UBXN2A: variants seen among roughly 807,000 people sequenced by gnomAD.
The protein encoded by UBXN2A is UBX domain protein 2A, also known as UBX domain-containing protein 2A.
A neutral mutation model predicts 28.4 loss-of-function variants in UBXN2A; 28 were observed. The ratio of observed to expected loss-of-function variants is 0.99; its 90% CI spans 0.73 to 1.35. The LOEUF is 1.35. Among genes scored for constraint, UBXN2A ranks in the 40% most tolerant of loss-of-function variants. The pLI is 0.00. For synonymous variants in UBXN2A, 97 were observed against 103.6 expected (o/e 0.94, Z 0.39); for missense variants, 253 against 297.9 (o/e 0.85, Z 1.11).
upstream of UBXN2A, among the ~76,000 whole-genome samples, chr2:23,936,058 ATAAAT>A (rs904645639): frequency 2.0e-4 from 30 of 152,254 alleles, no homozygotes; most frequent in Admixed American, 1.1e-3. Flanking sequence ...TCAAAAATAA[ATAAAT>A]TAAATTAATA....
chr2:23,938,543 G>C (rs1397236326), upstream of UBXN2A, among the ~76,000 whole-genome samples: 2 of 144,868 alleles, frequency 1.4e-5, no homozygotes, highest in East Asian at 3.9e-4. Flanking sequence ...AATCCCAGTG[G>C]CCCCCCCCTC....
chr2:23,945,998 G>A (rs1360953643), intron 1 of UBXN2A, among the ~76,000 whole-genome samples: 1 of 151,488 alleles, frequency 6.6e-6, no homozygotes, highest in East Asian at 1.9e-4. Flanking sequence ...CGTCCGGCTA[G>A]TTTTTGTATT....
chr2:24,000,941 G>T lies in UBXN2A; in HGVS notation c.*1074G>T, dbSNP rs373667713. The T allele has an allele frequency of 6.6e-6, 1 of 152,136 alleles. No homozygotes were observed. The highest frequency in any genetic ancestry group is 1.5e-5 in the Non-Finnish European group (1 of 68,040). The allele number at this position is 152,136 out of a possible 1,614,324, so 9.4% of individuals were successfully genotyped here. On this transcript the variant is annotated 3_prime_UTR_variant, in exon 7 of 7. Transcript: ENST00000309033. ...CACTTAGAATATAATGCCGGTGTGT[G>T]TCACATTACTAGTATTTTTTAAATG...
intron 6 of UBXN2A, among the ~76,000 whole-genome samples, chr2:23,990,463 A>T (rs986573467): frequency 6.8e-6 from 1 of 148,132 alleles, no homozygotes; most frequent in Non-Finnish European, 1.5e-5. Flanking sequence ...ATAATGGAAG[A>T]CAGTAATCAA....
chr2:23,960,437 G>A (rs1288931201), intron 2 of UBXN2A, among the ~76,000 whole-genome samples: 1 of 152,014 alleles, frequency 6.6e-6, no homozygotes, highest in Admixed American at 6.6e-5. Flanking sequence ...TTTTAAAATG[G>A]CTTTATTGAA....
chr2:23,995,249 TG>T (rs1708484095), intron 6 of UBXN2A, among the ~76,000 whole-genome samples: 2 of 152,054 alleles, frequency 1.3e-5, no homozygotes. Flanking sequence ...TGCTACAAAT[TG>T]GAAAGTGCCC....
rs556313609 is a variant in UBXN2A, at chr2:23,964,487, G to A, written c.41+6132G>A. Reference sequence around the variant, plus strand: ...GACCTCCCAAAGTACTGGGATTACAGGCGTGAGCCACCACGCTCGGCTATT... The same window carrying A: ...GACCTCCCAAAGTACTGGGATTACAAGCGTGAGCCACCACGCTCGGCTATT... On this transcript the variant is annotated intron_variant, in intron 2 of 6. Coordinates refer to ENST00000309033, the MANE Select transcript of UBXN2A (RefSeq NM_181713.4). 1.8e-4 allele frequency among the ~76,000 whole-genome samples: 27 copies of A among 152,336 alleles called. No individual in the cohort carries two copies. In the Middle Eastern group the frequency reaches 0.01, roughly 58 times the overall value.
chr2:23,984,206 G>A (rs891799946), intron 5 of UBXN2A, among the ~76,000 whole-genome samples: 8 of 152,104 alleles, frequency 5.3e-5, no homozygotes, highest in Non-Finnish European at 1.2e-4. Flanking sequence ...TTGGTAAGGT[G>A]CATACATATT....
intron 2 of UBXN2A, among the ~76,000 whole-genome samples, chr2:23,962,554 C>T (rs557152156): frequency 8.6e-5 from 13 of 151,788 alleles, no homozygotes; most frequent in African/African-American, 2.9e-4. Flanking sequence ...AAGACATACC[C>T]GAGACTGGGC....
intron 1 of UBXN2A, among the ~76,000 whole-genome samples, chr2:23,942,988 G>A (rs1705844288): frequency 6.6e-6 from 1 of 150,862 alleles, no homozygotes; most frequent in South Asian, 2.1e-4. Context: ...TTTTGAGACG[G>A]AGTCTCGCAC....
At chr2:23,959,103 G>T (rs1372896935) in intron 2 of UBXN2A, among the ~76,000 whole-genome samples, 1 of 152,102 alleles carries the variant, frequency 6.6e-6, no homozygotes, top group Non-Finnish European at 1.5e-5. Flanking sequence ...AAAATGCTAG[G>T]ATTATAAGCG....
At chr2:23,942,850 C>A (rs1413221801) in intron 1 of UBXN2A, among the ~76,000 whole-genome samples, 1 of 151,800 alleles carries the variant, frequency 6.6e-6, no homozygotes, top group Admixed American at 6.6e-5. Flanking sequence ...TGAACTCTCC[C>A]GTAATATTAC....
intron 6 of UBXN2A, among the ~76,000 whole-genome samples, chr2:23,988,201 T>C (rs1338520470): frequency 6.6e-6 from 1 of 152,074 alleles, no homozygotes; most frequent in Non-Finnish European, 1.5e-5. Context: ...GACCCATCAC[T>C]TGAAATACTT....
Position 23,966,593 on chromosome 2 carries a change from C to T in UBXN2A, c.42-4683C>T, listed in dbSNP as rs537618989. On this transcript the variant is annotated intron_variant, in intron 2 of 6. Transcript: ENST00000309033. ...TCAGCCTCCCGAGTAGCTGGGACTACAGGCGCCCGCCACCACACCTGGCTA... is the reference window on the plus strand; with the variant it reads ...TCAGCCTCCCGAGTAGCTGGGACTATAGGCGCCCGCCACCACACCTGGCTA... Among the ~76,000 whole-genome samples, 7 of 149,974 alleles carry T rather than the reference C, an allele frequency of 4.7e-5. No individual in the cohort carries two copies. In the South Asian group the frequency reaches 8.5e-4, roughly 18 times the overall value.
intron 1 of UBXN2A, among the ~76,000 whole-genome samples, chr2:23,955,402 T>G (rs990510058): frequency 6.6e-6 from 1 of 152,236 alleles, no homozygotes; most frequent in African/African-American, 2.4e-5. Flanking sequence ...TGTTCTTCCA[T>G]TTTGCTGATG....
chr2:23,989,630 T>G (rs1402285195), intron 6 of UBXN2A, among the ~76,000 whole-genome samples: 1 of 151,762 alleles, frequency 6.6e-6, no homozygotes, highest in Non-Finnish European at 1.5e-5. Flanking sequence ...GGGCCAGGCG[T>G]GGTGGCTCAT....
chr2:23,936,836 G>A (rs1413577680), upstream of UBXN2A, among the ~76,000 whole-genome samples: 3 of 150,460 alleles, frequency 2.0e-5, no homozygotes, highest in Non-Finnish European at 4.4e-5. Context: ...TCAGCCTCCC[G>A]AGTAGCTGGG....
At chr2:23,971,902 C>T (rs1370740831) in intron 3 of UBXN2A, among the ~76,000 whole-genome samples, 1 of 151,678 alleles carries the variant, frequency 6.6e-6, no homozygotes, top group African/African-American at 2.4e-5. Context: ...AGTTAAAAAC[C>T]AGTCTGGGCA....
intron 3 of UBXN2A, among the ~76,000 whole-genome samples, chr2:23,973,268 C>G (rs2150871887): frequency 6.6e-6 from 1 of 152,118 alleles, no homozygotes; most frequent in South Asian, 2.1e-4. Flanking sequence ...ATCTGCCCAC[C>G]TCAGCCTCCC....
Sources: allele counts gnomAD v4.1 joint callset (sites outside exome capture counted in the v4.1 genomes callset), GRCh38; gene constraint gnomAD v4.1.1; transcripts MANE v1.5; gene names NCBI Gene and HGNC (gene_info 2026-07-23, HGNC 2026-07-21).